Variants in PTPN9 observed in about 807,000 individuals in gnomAD.
PTPN9 encodes tyrosine-protein phosphatase non-receptor type 9.
PTPN9 carries 26 observed loss-of-function variants against 69.8 expected under a neutral mutation model. The observed-to-expected ratio is 0.37, with a 90% CI of 0.27 to 0.52. The LOEUF is 0.52. Among genes scored for constraint, PTPN9 ranks in the 20% least tolerant of loss-of-function variants. The probability of loss-of-function intolerance (pLI) is 0.91; values close to 1 mark genes in which losing one functional copy is unlikely to be tolerated. For synonymous variants in PTPN9, 274 were observed against 272.5 expected (o/e 1.01, Z -0.05); for missense variants, 549 against 740.3 (o/e 0.74, Z 3.00).
At chr15:75,556,959 T>A (rs1203995249) in intron 1 of PTPN9, among the ~76,000 whole-genome samples, 1 of 152,216 alleles carries the variant, frequency 6.6e-6, no homozygotes, top group Non-Finnish European at 1.5e-5. Context: ...TGTCCTCCTG[T>A]GTCTGGCTTA....
chr15:75,472,721 G>A (rs1424950693), intron 10 of PTPN9, among the ~76,000 whole-genome samples: 2 of 148,136 alleles, frequency 1.4e-5, no homozygotes, highest in South Asian at 4.2e-4. Context: ...AAGGGTTGCG[G>A]TGAACTGAGA....
At chr15:75,499,817 G>C (rs1033733723) in intron 7 of PTPN9, among the ~76,000 whole-genome samples, 2 of 151,992 alleles carry the variant, frequency 1.3e-5, no homozygotes, top group Admixed American at 6.6e-5. Context: ...GAATCCCCAG[G>C]ATAAGTGTGC....
At chr15:75,561,315 C>CAA (rs948085462) in intron 1 of PTPN9, among the ~76,000 whole-genome samples, 2 of 124,338 alleles carry the variant, frequency 1.6e-5, no homozygotes, top group African/African-American at 5.9e-5. Context: ...AACTCCATCT[C>CAA]AAAAAAAAAA....
chr15:75,470,789 G>A lies in PTPN9; in HGVS notation c.1250C>T (p.Pro417Leu). The change falls in exon 11 of 13, where the codon CCT becomes CTT. Residue 417 changes from proline (P) to leucine (L), a missense_variant. Physicochemically the swap from Pro to Leu is moderately conservative, Grantham distance 98. This residue lies in a region of PTPN9 where 457 missense variants were observed against 661.9 expected (regional missense o/e 0.69). Transcript: ENST00000618819. Reference protein sequence around the residue: ...GGRRKCGQYWPLEKDSRIRFG... With the variant: ...GGRRKCGQYWLLEKDSRIRFG... The stretch of plus-strand genomic sequence containing the variant: ...TCGGATCCGAGAGTCTTTTTCTAAA[G>A]GCCAGTACTGGCCACACTTTCTCCT... 6.2e-7 allele frequency: 1 copy of A among 1,614,132 alleles called. No homozygotes were observed. Among genetic ancestry groups the A allele is most frequent in the Non-Finnish European group, 8.5e-7 (1 of 1,180,034 alleles).
At chr15:75,473,540 T>G (rs1020636452) in intron 10 of PTPN9, 149 bp downstream of exon 10, 2 of 660,278 alleles carry the variant, frequency 3.0e-6, no homozygotes, top group South Asian at 4.4e-5. Flanking sequence ...TCCGCCTGCC[T>G]TGGCCTCCCT....
intron 8 of PTPN9, among the ~76,000 whole-genome samples, chr15:75,488,561 C>CG (rs1235196593): frequency 6.6e-6 from 1 of 151,602 alleles, no homozygotes; most frequent in African/African-American, 2.4e-5. Context: ...TTTGGGAGGC[C>CG]AAGGTGAGAG....
intron 1 of PTPN9, among the ~76,000 whole-genome samples, chr15:75,572,078 T>C (rs2075150740): frequency 6.6e-6 from 1 of 152,070 alleles, no homozygotes; most frequent in African/African-American, 2.4e-5. Flanking sequence ...ACACCTGTAA[T>C]CCCAGCACTT....
chr15:75,504,009 G>A (rs1288946251), intron 7 of PTPN9, among the ~76,000 whole-genome samples: 98 of 104,262 alleles, frequency 9.4e-4, no homozygotes, highest in Admixed American at 1.3e-3. Flanking sequence ...CGGGCCAGCC[G>A]CCCCGTCCGG....
intron 7 of PTPN9, among the ~76,000 whole-genome samples, chr15:75,502,068 G>C (rs1031452447): frequency 6.6e-6 from 1 of 151,826 alleles, no homozygotes; most frequent in Non-Finnish European, 1.5e-5. Flanking sequence ...GAAGTAGGAG[G>C]ATCGCTTTAA....
At chr15:75,510,720 T>G (rs1386569861) in intron 5 of PTPN9, among the ~76,000 whole-genome samples, 2 of 152,066 alleles carry the variant, frequency 1.3e-5, no homozygotes, top group Non-Finnish European at 2.9e-5. Context: ...TATTGTAAAA[T>G]ATACACAACA....
intron 1 of PTPN9, among the ~76,000 whole-genome samples, chr15:75,576,761 T>G (rs1401247516): frequency 1.3e-5 from 2 of 151,924 alleles, no homozygotes; most frequent in Admixed American, 1.3e-4. Context: ...TGAGCCAAGA[T>G]CAGGCCACTG....
At chr15:75,562,184 C>A (rs558487665) in intron 1 of PTPN9, among the ~76,000 whole-genome samples, 2 of 152,260 alleles carry the variant, frequency 1.3e-5, no homozygotes, top group South Asian at 2.1e-4. Context: ...AAAGAGCAGA[C>A]CTTCTATTCT....
At chr15:75,528,695 ATTT>A (rs770826556) in intron 1 of PTPN9, among the ~76,000 whole-genome samples, 4 of 125,426 alleles carry the variant, frequency 3.2e-5, no homozygotes, top group Non-Finnish European at 3.3e-5. Context: ...CCCTCAGCAC[ATTT>A]TTTTTTTTTT....
intron 7 of PTPN9, among the ~76,000 whole-genome samples, chr15:75,499,141 G>A (rs1167864756): frequency 6.6e-6 from 1 of 152,196 alleles, no homozygotes; most frequent in East Asian, 1.9e-4. Context: ...CTGGGCAAGA[G>A]TGAATATACA....
chr15:75,503,894 G>A (rs1179402244), intron 7 of PTPN9, among the ~76,000 whole-genome samples: 1 of 120,528 alleles, frequency 8.3e-6, no homozygotes, highest in Non-Finnish European at 1.7e-5. Context: ...CGCCCCGTCC[G>A]GGAGGGAGGT....
intron 1 of PTPN9, among the ~76,000 whole-genome samples, chr15:75,550,187 A>T (rs1319436702): frequency 2.0e-5 from 3 of 147,746 alleles, no homozygotes; most frequent in African/African-American, 7.5e-5. Flanking sequence ...TTTTTTTGAG[A>T]CAGAGTCTTG....
chr15:75,500,371 A>ACG (rs397854416), intron 7 of PTPN9, among the ~76,000 whole-genome samples: 13 of 147,902 alleles, frequency 8.8e-5, no homozygotes, highest in Non-Finnish European at 1.5e-4. Context: ...ACACACACAC[A>ACG]TATATATACA....
intron 8 of PTPN9, chr15:75,487,828 A>G (rs2074687322): frequency 6.6e-6 from 1 of 152,244 alleles, no homozygotes; most frequent in South Asian, 2.1e-4. Context: ...TGGGGTCCCA[A>G]CCCACATGTC....
chr15:75,533,306 G>A (rs976080111), intron 1 of PTPN9, among the ~76,000 whole-genome samples: 1 of 152,092 alleles, frequency 6.6e-6, no homozygotes, highest in Non-Finnish European at 1.5e-5. Flanking sequence ...CTTTGTCACC[G>A]AGGATGGAGT....
Sources: gnomAD v4.1 joint callset for allele counts (sites outside exome capture counted in the v4.1 genomes callset) on GRCh38, gnomAD v4.1.1 for gene constraint, gnomAD v4.1.1 regional missense constraint, MANE v1.5 for transcripts, NCBI Gene and HGNC (gene_info 2026-07-23, HGNC 2026-07-21) for gene names.